The following CSGALNACT1 variants were observed in gnomAD, a reference collection of about 807,000 sequenced individuals.
CSGALNACT1 encodes the protein chondroitin sulfate N-acetylgalactosaminyltransferase 1, also known as beta4GalNAcT-1.
CSGALNACT1 carries 52 observed loss-of-function variants against 51.0 expected under a neutral mutation model. That is an observed-to-expected ratio of 1.02 (90% CI 0.82 to 1.29). CSGALNACT1 has a LOEUF of 1.29. Among genes scored for constraint, CSGALNACT1 ranks in the 50% most tolerant of loss-of-function variants. The probability of loss-of-function intolerance (pLI) is 0.00; values close to 1 mark genes in which losing one functional copy is unlikely to be tolerated. For synonymous variants in CSGALNACT1, 341 were observed against 254.4 expected (o/e 1.34, Z -3.24); for missense variants, 935 against 679.2 (o/e 1.38, Z -4.19).
intron 3 of CSGALNACT1, among the ~76,000 whole-genome samples, chr8:19,519,339 C>T (rs2080182553): frequency 1.3e-5 from 2 of 152,194 alleles, no homozygotes; most frequent in African/African-American, 4.8e-5. Flanking sequence ...GACTGGGTGA[C>T]TTGCCCACAC....
At chr8:19,583,177 T>TA (rs199735900) in intron 3 of CSGALNACT1, among the ~76,000 whole-genome samples, 4,741 of 151,830 alleles carry the variant, frequency 0.031, 94 homozygotes, top group Non-Finnish European at 0.048. Flanking sequence ...TACCTTTTTT[T>TA]AAAAAAAAAT....
chr8:19,664,469 G>C (rs2059017842), intron 1 of CSGALNACT1, among the ~76,000 whole-genome samples: 1 of 152,098 alleles, frequency 6.6e-6, no homozygotes, highest in Non-Finnish European at 1.5e-5. Flanking sequence ...ATTTGAACCA[G>C]CAATCCCACT....
In CSGALNACT1 at chr8:19,640,241, G is replaced by C. The variant is rs570402495; in HGVS notation, c.-543-38376C>G. On this transcript the variant is annotated intron_variant, in intron 1 of 9. Transcript: ENST00000332246. ...CATCAGTGTAATATTTGTATATTTT[G>C]CTCACTTTATGAAATGTATTTATAC... 3.9e-5 allele frequency among the ~76,000 whole-genome samples: 6 copies of C among 152,224 alleles called. No homozygotes were observed. In the East Asian group the frequency reaches 9.7e-4, roughly 25 times the overall value.
chr8:19,594,486 AC>A (rs2048474209), intron 2 of CSGALNACT1, among the ~76,000 whole-genome samples: 1 of 152,208 alleles, frequency 6.6e-6, no homozygotes. Context: ...AAGTTAGGTG[AC>A]CATTTACCAA....
Position 19,535,197 on chromosome 8 carries a change from GA to G in CSGALNACT1, c.-296-29068del, listed in dbSNP as rs532069290. Among the ~76,000 whole-genome samples, 54 of 149,460 alleles carry G rather than the reference GA, an allele frequency of 3.6e-4. 1 individual carries two copies. In the East Asian group the frequency reaches 6.9e-3, roughly 19 times the overall value. On this transcript the variant is annotated intron_variant, in intron 3 of 9. Transcript: ENST00000454498. The stretch of plus-strand genomic sequence containing the variant: ...TACTGACATATAAATGACAACATTT[GA>G]AAAAAAAATAGAAAAGAAATATTAT...
At chr8:19,448,542 C>T (rs1022474477) in intron 5 of CSGALNACT1, among the ~76,000 whole-genome samples, 4 of 151,994 alleles carry the variant, frequency 2.6e-5, no homozygotes, top group Non-Finnish European at 4.4e-5. Flanking sequence ...GGAATAACCA[C>T]GGTAACAGAG....
intron 1 of CSGALNACT1, among the ~76,000 whole-genome samples, chr8:19,670,468 A>T (rs949504827): frequency 6.6e-6 from 1 of 152,132 alleles, no homozygotes; most frequent in African/African-American, 2.4e-5. Flanking sequence ...CATTAAATAT[A>T]TATGTACATA....
intron 3 of CSGALNACT1, among the ~76,000 whole-genome samples, chr8:19,583,712 A>G (rs1424872685): frequency 6.6e-6 from 1 of 152,172 alleles, no homozygotes; most frequent in Admixed American, 6.5e-5. Context: ...TCAAACACTA[A>G]GTTTCAGCTT....
At chr8:19,428,161 C>T (rs373045139) in intron 6 of CSGALNACT1, among the ~76,000 whole-genome samples, 3 of 152,188 alleles carry the variant, frequency 2.0e-5, no homozygotes, top group Non-Finnish European at 4.4e-5. Flanking sequence ...GCCCTGCACC[C>T]TGAGGCATGC....
At chr8:19,418,833 AC>A (rs763324615) in intron 7 of CSGALNACT1, 83 bp from the exon 7 acceptor site, 100 of 941,054 alleles carry the variant, frequency 1.1e-4, no homozygotes, top group Non-Finnish European at 1.6e-4. Context: ...CCTCTGAAAC[AC>A]CCCAGATATT....
At chr8:19,458,740 G>A (rs1275154312) in intron 4 of CSGALNACT1, 98 bp from the exon 4 acceptor site, 2 of 1,117,206 alleles carry the variant, frequency 1.8e-6, no homozygotes, top group Admixed American at 1.8e-5. Flanking sequence ...TTTAAAAAGT[G>A]TTTAAGATGA....
chr8:19,468,291 T>C (rs892965459), intron 4 of CSGALNACT1, among the ~76,000 whole-genome samples: 2 of 152,218 alleles, frequency 1.3e-5, no homozygotes, highest in African/African-American at 4.8e-5. Flanking sequence ...CAGCTTGTTA[T>C]GTTTGGCCAC....
At chr8:19,597,633 C>T (rs1564201866) in intron 2 of CSGALNACT1, among the ~76,000 whole-genome samples, 1 of 152,046 alleles carries the variant, frequency 6.6e-6, no homozygotes, top group Non-Finnish European at 1.5e-5. Flanking sequence ...ATTAATTTAA[C>T]TAAGCAGGCA....
At chr8:19,463,918 A>G (rs1245707812) in intron 4 of CSGALNACT1, among the ~76,000 whole-genome samples, 4 of 152,192 alleles carry the variant, frequency 2.6e-5, no homozygotes, top group Non-Finnish European at 5.9e-5. Flanking sequence ...ACAAATGTCT[A>G]TTCCTTCAGT....
At chr8:19,502,395 C>G (rs4483172) in intron 4 of CSGALNACT1, among the ~76,000 whole-genome samples, 44,086 of 152,146 alleles carry the variant, frequency 0.29, 8,507 homozygotes, top group African/African-American at 0.56. Flanking sequence ...CAAAATCATA[C>G]CTTCTCAAGC....
At chr8:19,457,876 C>A in intron 5 of CSGALNACT1, 1 of 1,112,774 alleles carries the variant, frequency 9.0e-7, no homozygotes, top group Non-Finnish European at 1.2e-6. Flanking sequence ...GGCTTGAAAC[C>A]TTCTTGGTAT....
intron 4 of CSGALNACT1, among the ~76,000 whole-genome samples, chr8:19,467,594 C>A (rs917190698): frequency 1.3e-5 from 2 of 151,422 alleles, no homozygotes; most frequent in Non-Finnish European, 1.5e-5. Context: ...GCCTGCCAGC[C>A]TCGCGGAGTT....
chr8:19,741,538 G>A (rs571740342), intron 1 of CSGALNACT1, among the ~76,000 whole-genome samples: 3 of 146,834 alleles, frequency 2.0e-5, no homozygotes, highest in Admixed American at 1.4e-4. Context: ...ATTCCAGCCT[G>A]GGCGAAAGAG....
At chr8:19,438,304 AC>A (rs2153745802) in intron 6 of CSGALNACT1, among the ~76,000 whole-genome samples, 2 of 152,324 alleles carry the variant, frequency 1.3e-5, no homozygotes, top group Non-Finnish European at 2.9e-5. Context: ...CATCCGGGAA[AC>A]TTTAAAGAAC....
Sources: allele counts gnomAD v4.1 joint callset (sites outside exome capture counted in the v4.1 genomes callset), GRCh38; gene constraint gnomAD v4.1.1; transcripts MANE v1.5; gene names NCBI Gene and HGNC (gene_info 2026-07-23, HGNC 2026-07-21).